The following SLC24A2 variants were observed in gnomAD, a reference collection of about 807,000 sequenced individuals.
The protein encoded by SLC24A2 is sodium/potassium/calcium exchanger 2.
A neutral mutation model predicts 62.0 loss-of-function variants in SLC24A2; 36 were observed. The ratio of observed to expected loss-of-function variants is 0.58; its 90% CI spans 0.44 to 0.77. The LOEUF is 0.77. SLC24A2 is among the 30% of genes least tolerant of loss of function. SLC24A2 has a pLI of 0.00. For synonymous variants in SLC24A2, 358 were observed against 294.0 expected, an observed-to-expected ratio of 1.22 and a Z score of -2.23; for missense variants, 846 against 817.9, an observed-to-expected ratio of 1.03 and a Z score of -0.42.
Position 19,522,567 on chromosome 9 carries a change from T to C in SLC24A2, c.1570-1507A>G, listed in dbSNP as rs567723075. 1.3e-3 allele frequency among the ~76,000 whole-genome samples: 201 copies of C among 152,320 alleles called. 1 individual carries two copies. Among genetic ancestry groups the C allele is most frequent in the African/African-American group, 4.2e-3 (174 of 41,586 alleles). On this transcript the variant is annotated intron_variant, in intron 9 of 10. Coordinates refer to ENST00000341998, the MANE Select transcript of SLC24A2 (RefSeq NM_020344.4). ...ACTAGCTTAAAAGCATATTTTTGTT[T>C]TGATGGTCATGCCTGCTCCAGAGCC...
chr9:20,122,132 G>A, the SLC24A2 span, among the ~76,000 whole-genome samples: 1,327 of 152,242 alleles, frequency 8.7e-3, 22 homozygotes, highest in African/African-American at 0.03. Context: ...TGAAAATAAG[G>A]GTCTCTTGTT....
intron 5 of SLC24A2, among the ~76,000 whole-genome samples, chr9:19,589,542 T>C (rs1404782176): frequency 6.6e-6 from 1 of 152,252 alleles, no homozygotes; most frequent in Non-Finnish European, 1.5e-5. Context: ...AGATTTCTAC[T>C]GTGGTAAACG....
the SLC24A2 span, among the ~76,000 whole-genome samples, chr9:19,985,200 C>T: frequency 6.6e-6 from 1 of 152,116 alleles, no homozygotes; most frequent in Non-Finnish European, 1.5e-5. Flanking sequence ...AACAGTTAAA[C>T]ATGTATTTAC....
At chr9:20,016,697 T>G in the SLC24A2 span, among the ~76,000 whole-genome samples, 2 of 152,256 alleles carry the variant, frequency 1.3e-5, no homozygotes, top group Middle Eastern at 3.4e-3. Flanking sequence ...ACTGATTTGT[T>G]GACAGCAAGT....
chr9:19,947,017 G>A, the SLC24A2 span, among the ~76,000 whole-genome samples: 1 of 152,196 alleles, frequency 6.6e-6, no homozygotes, highest in Non-Finnish European at 1.5e-5. Context: ...CAAGCTCCCA[G>A]TAAGTGTTTT....
the SLC24A2 span, among the ~76,000 whole-genome samples, chr9:20,278,778 A>C: frequency 6.6e-6 from 1 of 152,176 alleles, no homozygotes; most frequent in African/African-American, 2.4e-5. Flanking sequence ...TTACCTGCCC[A>C]GTTCCAAAGT....
chr9:20,014,935 G>C, the SLC24A2 span, among the ~76,000 whole-genome samples: 2 of 152,132 alleles, frequency 1.3e-5, no homozygotes, highest in Non-Finnish European at 2.9e-5. Context: ...ATGTTAATTA[G>C]TTTGATTTAA....
At chr9:19,575,722 G>T (rs915915195) in intron 6 of SLC24A2, among the ~76,000 whole-genome samples, 9 of 152,170 alleles carry the variant, frequency 5.9e-5, no homozygotes, top group Admixed American at 2.0e-4. Context: ...AGGTTGGCCA[G>T]TCATTAGGAG....
intron 2 of SLC24A2, among the ~76,000 whole-genome samples, chr9:19,685,150 C>G (rs1819843236): frequency 6.6e-6 from 1 of 152,078 alleles, no homozygotes; most frequent in African/African-American, 2.4e-5. Flanking sequence ...ACAACACAAT[C>G]CCATTCATAA....
chr9:20,146,874 C>T, the SLC24A2 span, among the ~76,000 whole-genome samples: 7 of 152,070 alleles, frequency 4.6e-5, no homozygotes, highest in Non-Finnish European at 7.4e-5. Context: ...TTCTTCTCTT[C>T]ACAATTCTCA....
chr9:19,756,902 G>GTTTTT (rs1564082907), intron 2 of SLC24A2, among the ~76,000 whole-genome samples: 6 of 42,332 alleles, frequency 1.4e-4, no homozygotes, highest in Admixed American at 2.8e-4. Context: ...TTTTACTGAA[G>GTTTTT]CTTTTTTTTT....
At chr9:19,653,337 G>A (rs1818852765) in intron 2 of SLC24A2, among the ~76,000 whole-genome samples, 1 of 152,204 alleles carries the variant, frequency 6.6e-6, no homozygotes, top group Non-Finnish European at 1.5e-5. Flanking sequence ...TAGTAAGACT[G>A]TCTTTTCCCT....
At chr9:20,218,008 A>G in the SLC24A2 span, among the ~76,000 whole-genome samples, 9 of 152,208 alleles carry the variant, frequency 5.9e-5, no homozygotes, top group African/African-American at 2.2e-4. Context: ...GCTTTAAGCA[A>G]GTTATTTGCC....
At chr9:19,766,126 G>A (rs1279426078) in intron 2 of SLC24A2, among the ~76,000 whole-genome samples, 1 of 152,082 alleles carries the variant, frequency 6.6e-6, no homozygotes, top group Non-Finnish European at 1.5e-5. Context: ...AAGTTCTTGT[G>A]CTGTGTTTTT....
intron 2 of SLC24A2, among the ~76,000 whole-genome samples, chr9:19,664,685 G>C (rs1819199082): frequency 6.6e-6 from 1 of 152,128 alleles, no homozygotes; most frequent in Non-Finnish European, 1.5e-5. Context: ...TCCAATGACT[G>C]GTGTCCTTAT....
At chr9:19,974,889 C>T in the SLC24A2 span, among the ~76,000 whole-genome samples, 2 of 152,156 alleles carry the variant, frequency 1.3e-5, no homozygotes, top group Admixed American at 6.5e-5. Flanking sequence ...CTCACAGTCC[C>T]GTCAGGGTTA....
rs1447089920 is a variant in SLC24A2 at position 19,514,386 on chromosome 9, G to C, written c.*1767C>G. 5 of 152,176 alleles carry C rather than the reference G, an allele frequency of 3.3e-5. No homozygotes were observed. Among genetic ancestry groups the C allele is most frequent in the African/African-American group, 1.2e-4 (5 of 41,440 alleles). 9.4% of individuals were successfully genotyped at this position (152,176 alleles called of 1,614,324 possible). A position where few individuals can be genotyped will look rare whatever the true frequency, so the allele number is the denominator to read the frequency against. ...CCCATATGCCATATGTACCAACTTA[G>C]ACGTAGGATGGGTACAGAATAATGA... On this transcript the variant is annotated 3_prime_UTR_variant, in exon 11 of 11. Coordinates refer to ENST00000341998, the MANE Select transcript of SLC24A2 (RefSeq NM_020344.4).
At chr9:20,101,121 T>C in the SLC24A2 span, among the ~76,000 whole-genome samples, 5 of 152,260 alleles carry the variant, frequency 3.3e-5, no homozygotes, top group Admixed American at 3.3e-4. Context: ...AATGTGGTTT[T>C]AAATATAAAT....
intron 2 of SLC24A2, among the ~76,000 whole-genome samples, chr9:19,738,798 A>G (rs926962705): frequency 1.9e-4 from 29 of 152,304 alleles, no homozygotes; most frequent in African/African-American, 6.0e-4. Context: ...AAAAAATTAA[A>G]AAATATTTTA....
Sources: allele counts gnomAD v4.1 joint callset (sites outside exome capture counted in the v4.1 genomes callset), GRCh38; gene constraint gnomAD v4.1.1; transcripts MANE v1.5; gene names NCBI Gene and HGNC (gene_info 2026-07-23, HGNC 2026-07-21).